Variants in CNTN5 observed in about 807,000 individuals in gnomAD.
The protein encoded by CNTN5 is contactin 5.
CNTN5 carries 77 observed loss-of-function variants against 129.1 expected under a neutral mutation model. The ratio of observed to expected loss-of-function variants is 0.60; its 90% confidence interval spans 0.50 to 0.72. The LOEUF (loss-of-function observed/expected upper bound fraction) is 0.72, where lower values mean the gene tolerates loss of function less well. CNTN5 is among the 30% of genes least tolerant of loss of function. The probability of loss-of-function intolerance (pLI) is 0.00; values close to 1 mark genes in which losing one functional copy is unlikely to be tolerated. For synonymous variants in CNTN5, 509 were observed against 465.6 expected, an observed-to-expected ratio of 1.09 and a Z score of -1.20; for missense variants, 1,478 against 1,328.8, an observed-to-expected ratio of 1.11 and a Z score of -1.75.
intron 9 of CNTN5, among the ~76,000 whole-genome samples, chr11:100,042,546 A>G (rs1326501756): frequency 6.6e-6 from 1 of 152,172 alleles, no homozygotes; most frequent in East Asian, 1.9e-4. Context: ...TTCTTTTGAA[A>G]TCATTAAATC....
At chr11:100,041,756 TA>T (rs1942393057) in intron 9 of CNTN5, among the ~76,000 whole-genome samples, 1 of 152,200 alleles carries the variant, frequency 6.6e-6, no homozygotes, top group Non-Finnish European at 1.5e-5. Context: ...AAAACAATGG[TA>T]AAAACATAAA....
chr11:100,260,349 C>T (rs540971791), intron 17 of CNTN5, among the ~76,000 whole-genome samples: 6 of 152,278 alleles, frequency 3.9e-5, no homozygotes, highest in East Asian at 1.9e-4. Context: ...GATTCACAGC[C>T]GAATTCTACC....
chr11:99,046,496 A>G, intron 1 of CNTN5, among the ~76,000 whole-genome samples: 1 of 152,320 alleles, frequency 6.6e-6, no homozygotes. Context: ...TAGTATTTAT[A>G]GATTTTGTTA....
At chr11:99,123,362 T>C (rs1858453923) in intron 1 of CNTN5, among the ~76,000 whole-genome samples, 1 of 152,184 alleles carries the variant, frequency 6.6e-6, no homozygotes, top group Non-Finnish European at 1.5e-5. Context: ...AAGATGTCTG[T>C]TCATGTCATT....
chr11:99,804,022 T>C (rs1282640799), intron 3 of CNTN5, among the ~76,000 whole-genome samples: 4 of 152,176 alleles, frequency 2.6e-5, no homozygotes, highest in Non-Finnish European at 5.9e-5. Context: ...CTTTAAAGTC[T>C]TTTTTGTTTG....
intron 1 of CNTN5, among the ~76,000 whole-genome samples, chr11:99,308,421 T>C (rs1057319863): frequency 2.0e-5 from 3 of 152,140 alleles, no homozygotes; most frequent in African/African-American, 7.2e-5. Context: ...GAGCAGAGCT[T>C]GGGACTACTG....
intron 7 of CNTN5, among the ~76,000 whole-genome samples, chr11:99,922,562 G>A (rs1949965837): frequency 6.6e-6 from 1 of 152,194 alleles, no homozygotes; most frequent in Admixed American, 6.5e-5. Flanking sequence ...AAATAGTCAT[G>A]TAGATTATCA....
At chr11:99,853,598 T>C (rs1326503778) in intron 6 of CNTN5, among the ~76,000 whole-genome samples, 1 of 151,958 alleles carries the variant, frequency 6.6e-6, no homozygotes, top group Non-Finnish European at 1.5e-5. Flanking sequence ...ACGGGGTTTC[T>C]CCATGTTGGT....
At chr11:99,993,278 C>G (rs1442860740) in intron 8 of CNTN5, among the ~76,000 whole-genome samples, 2 of 152,180 alleles carry the variant, frequency 1.3e-5, no homozygotes, top group Non-Finnish European at 2.9e-5. Flanking sequence ...TAGCTCTGCA[C>G]ATAAGGTCCG....
At chr11:99,994,888 C>A (rs966031045) in intron 8 of CNTN5, among the ~76,000 whole-genome samples, 1 of 151,908 alleles carries the variant, frequency 6.6e-6, no homozygotes, top group African/African-American at 2.4e-5. Context: ...AGTAGAGACA[C>A]CATGGGGAAA....
chr11:99,107,686 C>T (rs1008273839), intron 1 of CNTN5, among the ~76,000 whole-genome samples: 1 of 151,916 alleles, frequency 6.6e-6, no homozygotes, highest in African/African-American at 2.4e-5. Context: ...AATCTCAGCA[C>T]TCTGGGAGGC....
rs373485665 is a variant in CNTN5 at position 99,465,259 on chromosome 11, C to G, written c.-70-90886C>G. ...GTGTTCTTCAGTTGATTTAGCCCCC[C>G]ACAGCTTCCTTTCGTTGCTCCAACA... is the stretch of plus-strand genomic sequence containing the variant. On this transcript the variant is annotated intron_variant, in intron 2 of 24. Coordinates refer to ENST00000524871, the MANE Select transcript of CNTN5 (RefSeq NM_014361.4). 1.3e-4 allele frequency among the ~76,000 whole-genome samples: 20 copies of G among 152,246 alleles called. No homozygotes were observed. In the East Asian group the frequency reaches 2.1e-3, roughly 16 times the overall value.
chr11:100,270,412 T>G (rs561309944), intron 17 of CNTN5, among the ~76,000 whole-genome samples: 2 of 152,178 alleles, frequency 1.3e-5, no homozygotes, highest in Non-Finnish European at 2.9e-5. Context: ...CATTCTGCCT[T>G]TTCACTCCTG....
At position 99,607,876 on chromosome 11, in the gene CNTN5, C is replaced by A. The variant is rs1189438762; in HGVS notation, c.55+51607C>A. Among the ~76,000 whole-genome samples, 33 of 127,448 alleles carry A rather than the reference C, an allele frequency of 2.6e-4. 1 individual carries two copies. The Admixed American group carries it at 2.8e-3, about 11-fold the overall frequency. 83.6% of individuals were successfully genotyped at this position (127,448 alleles called of 152,430 possible). A position where few individuals can be genotyped will look rare whatever the true frequency, so the allele number is the denominator to read the frequency against. ...CAAAAAACCAAACACCGCATATTCTCACTCATAGGTGGGAATTGAACAATG... is the reference window on the plus strand; with the variant it reads ...CAAAAAACCAAACACCGCATATTCTAACTCATAGGTGGGAATTGAACAATG... On this transcript the variant is annotated intron_variant, in intron 3 of 24. Transcript: ENST00000524871.
intron 1 of CNTN5, among the ~76,000 whole-genome samples, chr11:99,261,602 C>T (rs189130617): frequency 2.7e-4 from 41 of 152,076 alleles, no homozygotes; most frequent in African/African-American, 8.4e-4. Flanking sequence ...TAAACAGGGG[C>T]GTTGACACTT....
chr11:100,109,755 G>A (rs1425897258), intron 13 of CNTN5, among the ~76,000 whole-genome samples: 1 of 152,168 alleles, frequency 6.6e-6, no homozygotes, highest in Non-Finnish European at 1.5e-5. Flanking sequence ...ACCTAACAAT[G>A]TAGGATGTGA....
chr11:99,382,845 CTTTTTTTTTT>C (rs1163660333), intron 2 of CNTN5, among the ~76,000 whole-genome samples: 23 of 77,044 alleles, frequency 3.0e-4, no homozygotes, highest in Admixed American at 6.5e-4. Context: ...CTCTAAATAA[CTTTTTTTTTT>C]TTTTTTTTTT....
chr11:99,156,382 C>T (rs955299703), intron 1 of CNTN5, among the ~76,000 whole-genome samples: 7 of 151,792 alleles, frequency 4.6e-5, no homozygotes, highest in Non-Finnish European at 2.9e-5. Context: ...ATCGAAGTAG[C>T]CAAAGTAAAA....
chr11:99,433,025 A>AAAT, intron 2 of CNTN5, among the ~76,000 whole-genome samples: 1 of 151,926 alleles, frequency 6.6e-6, no homozygotes, highest in Non-Finnish European at 1.5e-5. Flanking sequence ...AAAAAAAAAA[A>AAAT]AAGGTTTAGT....
Sources: allele counts gnomAD v4.1 joint callset (sites outside exome capture counted in the v4.1 genomes callset), GRCh38; gene constraint gnomAD v4.1.1; transcripts MANE v1.5; gene names NCBI Gene and HGNC (gene_info 2026-07-23, HGNC 2026-07-21).